Variants in EGFL7 observed in about 807,000 individuals in gnomAD.
EGFL7 encodes EGF like domain multiple 7, also known as epidermal growth factor-like protein 7.
Under a neutral mutation model 37.1 loss-of-function variants are expected in EGFL7, and 48 were observed. That is an observed-to-expected ratio of 1.29 (90% confidence interval 1.03 to 1.65). The LOEUF (loss-of-function observed/expected upper bound fraction) is 1.65, where lower values mean the gene tolerates loss of function less well. EGFL7 is among the 40% of genes most tolerant of loss of function. The pLI is 0.00. For synonymous variants in EGFL7, 180 were observed against 156.8 expected, an observed-to-expected ratio of 1.15 and a Z score of -1.10; for missense variants, 384 against 378.9, an observed-to-expected ratio of 1.01 and a Z score of -0.11.
chr9:136,669,799 T>C, intron 6 of EGFL7, 78 bp downstream of exon 6: 1 of 1,451,668 alleles, frequency 6.9e-7, no homozygotes, highest in South Asian at 1.3e-5. Context: ...CCTGCTGCTT[T>C]TCTTGAACCC....
Position 136,663,061 on chromosome 9 carries a change from G to C in EGFL7, c.-400G>C, listed in dbSNP as rs1437857343. On this transcript the variant is annotated 5_prime_UTR_variant, in exon 1 of 11. Transcript: ENST00000308874. ...GGCTAGGGTCCATCTCCAGTCCCAG[G>C]ACACAGCAGCGGCCACCATGGCCAC... 2.6e-5 allele frequency: 4 copies of C among 152,482 alleles called. No individual in the cohort carries two copies. Among genetic ancestry groups the C allele is most frequent in the African/African-American group, 4.8e-5 (2 of 41,454 alleles). The allele number at this position is 152,482 out of a possible 1,614,324, so 9.4% of individuals were successfully genotyped here.
rs533210315 is a variant in EGFL7, at chr9:136,666,917, C to CT, written c.-42-1323dup. Among the ~76,000 whole-genome samples the CT allele has an allele frequency of 3.9e-4, 59 of 152,258 alleles. No homozygotes were observed. The highest frequency in any genetic ancestry group is 2.5e-4 in the Non-Finnish European group (17 of 67,992). The stretch of plus-strand genomic sequence containing the variant: ...CCCAAAAACTGCTGTGATGCCCCCC[C>CT]TGCCCCCAAGCTAAGTCCCCACCCC... On this transcript the variant is annotated intron_variant, in intron 3 of 10. Coordinates refer to ENST00000308874, the MANE Select transcript of EGFL7 (RefSeq NM_016215.5). This position sits in a 1 kb window ranked among gnomAD's most constrained non-coding sequence, Gnocchi z 6.8.
chr9:136,664,986 C>G (rs1845370847), intron 3 of EGFL7, among the ~76,000 whole-genome samples: 1 of 152,252 alleles, frequency 6.6e-6, no homozygotes, highest in African/African-American at 2.4e-5. Flanking sequence ...GATCCCAGGG[C>G]TGTTTAGCCC....
At chr9:136,672,120 C>T (rs761695314) in intron 10 of EGFL7, 32 bp downstream of exon 10, 7 of 1,552,526 alleles carry the variant, frequency 4.5e-6, no homozygotes, top group Non-Finnish European at 6.1e-6. Context: ...AGCCCTCCTC[C>T]CGGGTCTGGG....
At chr9:136,670,038 TGGAA>T in intron 7 of EGFL7, 29 bp downstream of exon 7, 1 of 1,585,828 alleles carries the variant, frequency 6.3e-7, no homozygotes. Flanking sequence ...TGGGGGGCCC[TGGAA>T]GGGTCCTGGG....
rs1845454107 is a variant in EGFL7 at position 136,666,075 on chromosome 9, G to A, written c.-43+1290G>A. 6.8e-6 allele frequency among the ~76,000 whole-genome samples: 1 copy of A among 146,406 alleles called. No individual in the cohort carries two copies. Among genetic ancestry groups the A allele is most frequent in the African/African-American group, 2.5e-5 (1 of 40,774 alleles). On this transcript the variant is annotated intron_variant, in intron 3 of 10. Transcript: ENST00000308874. The surrounding 1 kb of genome is among the most constrained non-coding windows in gnomAD (Gnocchi z 6.8). ...GGCTCCCCCTGCCGGCGGCGGGCGG[G>A]CGGGCGGCGCGGCGGGGAGGGCCGG...
chr9:136,671,901 G>C (rs1247494374), intron 9 of EGFL7, 25 bp from the exon 10 acceptor site: 2 of 1,472,874 alleles, frequency 1.4e-6, no homozygotes, highest in African/African-American at 1.4e-5. Context: ...GCCGGCCCAG[G>C]GTCACTGCCC....
rs751086402 is a variant in EGFL7 at position 136,669,663 on chromosome 9, C to T, written c.255C>T (p.Arg85=). Reference sequence around the variant, plus strand: ...CTGGGCTGGCCCCTGCCAGGCCTCGCTACGCGTGCTGCCCCGGCTGGAAGA... The same window carrying T: ...CTGGGCTGGCCCCTGCCAGGCCTCGTTACGCGTGCTGCCCCGGCTGGAAGA... ...RSPGLAPARP[R]YACCPGWKRT... The change falls in exon 6 of 11, where the codon CGC becomes CGT. Residue 85 remains arginine (R), a synonymous_variant. Coordinates refer to ENST00000308874, the MANE Select transcript of EGFL7 (RefSeq NM_016215.5). The T allele has an allele frequency of 3.1e-6, 5 of 1,610,302 alleles. No homozygotes were observed. The South Asian group carries it at 5.5e-5, about 18-fold the overall frequency.
At chr9:136,671,422 G>A (rs775458384) in intron 9 of EGFL7, among the ~76,000 whole-genome samples, 3 of 152,040 alleles carry the variant, frequency 2.0e-5, no homozygotes, top group Non-Finnish European at 4.4e-5. Flanking sequence ...ACGGATGGCT[G>A]GGGGTGGTCT....
chr9:136,670,054 A>G (rs764070296), intron 7 of EGFL7, 45 bp downstream of exon 7: 2 of 1,589,188 alleles, frequency 1.3e-6, no homozygotes, highest in Admixed American at 1.7e-5. Flanking sequence ...GGTCCTGGGC[A>G]CCTCCTTGCA....
Position 136,666,105 on chromosome 9 carries a change from G to T in EGFL7, c.-43+1320G>T, listed in dbSNP as rs974431448. 6.8e-6 allele frequency among the ~76,000 whole-genome samples: 1 copy of T among 147,258 alleles called. No individual in the cohort carries two copies. Among genetic ancestry groups the T allele is most frequent in the Non-Finnish European group, 1.5e-5 (1 of 66,116 alleles). ...CGGCGCGGCGGGGAGGGCCGGGGTC[G>T]CCGCGGCCCCTCGTCCGACCCGGCG... is the stretch of plus-strand genomic sequence containing the variant. On this transcript the variant is annotated intron_variant, in intron 3 of 10. Transcript: ENST00000308874. This position sits in a 1 kb window ranked among gnomAD's most constrained non-coding sequence, Gnocchi z 6.8.
At chr9:136,669,135 G>A (rs535523533) in intron 5 of EGFL7, among the ~76,000 whole-genome samples, 43 of 152,336 alleles carry the variant, frequency 2.8e-4, no homozygotes, top group African/African-American at 9.9e-4. Flanking sequence ...CCCACACAAG[G>A]GGCACACACC....
intron 8 of EGFL7, 22 bp from the exon 9 acceptor site, chr9:136,670,928 C>T (rs973570296): frequency 6.4e-7 from 1 of 1,553,490 alleles, no homozygotes; most frequent in Non-Finnish European, 8.7e-7. Flanking sequence ...GGCCGTGACC[C>T]AGCGCCTGGC....
Position 136,672,357 on chromosome 9 carries a change from C to G in EGFL7, c.*71C>G. On this transcript the variant is annotated 3_prime_UTR_variant, in exon 11 of 11. Transcript: ENST00000308874. The stretch of plus-strand genomic sequence containing the variant: ...AGCCCCCATGCCCCTGCCCAACATG[C>G]TGGGGGTCCAGAAACCACCTCGGGG... 3 of 1,603,196 alleles carry G rather than the reference C, an allele frequency of 1.9e-6. No individual in the cohort carries two copies. The highest frequency in any genetic ancestry group is 1.7e-5 in the Admixed American group (1 of 59,870).
At chr9:136,662,764 G>A (rs140115545), upstream of EGFL7, among the ~76,000 whole-genome samples, 115 of 152,156 alleles carry the variant, frequency 7.6e-4, no homozygotes, top group African/African-American at 2.7e-3. Flanking sequence ...CCCCTCACAC[G>A]GTGGCCCCCA....
intron 2 of EGFL7, among the ~76,000 whole-genome samples, chr9:136,663,836 C>A (rs1845292784): frequency 6.6e-6 from 1 of 152,220 alleles, no homozygotes; most frequent in South Asian, 2.1e-4. Flanking sequence ...CACCAAGAAG[C>A]CTGTCTGAGA....
At chr9:136,669,845 C>T in intron 6 of EGFL7, 69 bp from the exon 7 acceptor site, 1 of 1,469,938 alleles carries the variant, frequency 6.8e-7, no homozygotes, top group Non-Finnish European at 9.2e-7. Context: ...AGCACCCACT[C>T]CCTAGCAGCT....
chr9:136,669,173 G>C (rs1012454780), intron 5 of EGFL7, among the ~76,000 whole-genome samples: 1 of 152,210 alleles, frequency 6.6e-6, no homozygotes, highest in African/African-American at 2.4e-5. Context: ...TCCTTCCTGG[G>C]TGTGGGAGCT....
intron 8 of EGFL7, 57 bp from the exon 9 acceptor site, chr9:136,670,893 T>TG (rs1845811114): frequency 1.4e-6 from 2 of 1,444,684 alleles, no homozygotes; most frequent in African/African-American, 2.8e-5. Context: ...GGAGGGAGCC[T>TG]GGGGGTGTGG....
Sources: gnomAD v4.1 joint callset for allele counts (sites outside exome capture counted in the v4.1 genomes callset) on GRCh38, gnomAD v4.1.1 for gene constraint, Gnocchi (gnomAD v3.1) non-coding constraint, MANE v1.5 for transcripts, NCBI Gene and HGNC (gene_info 2026-07-23, HGNC 2026-07-21) for gene names.